EXOC6B: variants seen among roughly 807,000 people sequenced by gnomAD.
The protein encoded by EXOC6B is exocyst complex component 6B, also known as SEC15 homolog B.
EXOC6B carries 54 observed loss-of-function variants against 113.5 expected under a neutral mutation model. The ratio of observed to expected loss-of-function variants is 0.48; its 90% CI spans 0.38 to 0.60. The LOEUF (loss-of-function observed/expected upper bound fraction) is 0.60, where lower values mean the gene tolerates loss of function less well. Among genes scored for constraint, EXOC6B ranks in the 20% least tolerant of loss-of-function variants. The pLI is 0.00. For missense variants in EXOC6B, 797 were observed against 977.5 expected, an observed-to-expected ratio of 0.82 and a Z score of 2.46; for synonymous variants, 357 against 339.0, an observed-to-expected ratio of 1.05 and a Z score of -0.58.
intron 6 of EXOC6B, among the ~76,000 whole-genome samples, chr2:72,619,859 G>C (rs984462345): frequency 6.6e-6 from 1 of 152,202 alleles, no homozygotes; most frequent in Non-Finnish European, 1.5e-5. Flanking sequence ...GCAGAGACAG[G>C]CTTTCAGATG....
At chr2:72,470,111 T>C (rs1480696845) in intron 17 of EXOC6B, among the ~76,000 whole-genome samples, 2 of 152,120 alleles carry the variant, frequency 1.3e-5, no homozygotes, top group Non-Finnish European at 1.5e-5. Flanking sequence ...TCTATTTCTG[T>C]AAAAGATGAC....
At chr2:72,770,453 A>C (rs1683352731) in intron 1 of EXOC6B, among the ~76,000 whole-genome samples, 1 of 152,238 alleles carries the variant, frequency 6.6e-6, no homozygotes, top group South Asian at 2.1e-4. Context: ...ATATTATGTA[A>C]CATCCCAGTA....
intron 20 of EXOC6B, among the ~76,000 whole-genome samples, chr2:72,315,596 A>G (rs529752733): frequency 1.3e-5 from 2 of 152,172 alleles, no homozygotes; most frequent in East Asian, 3.8e-4. Flanking sequence ...TGAGAAGAGA[A>G]ATGATAGTTA....
chr2:72,688,683 AG>A (rs1235996915), intron 6 of EXOC6B, among the ~76,000 whole-genome samples: 1 of 152,238 alleles, frequency 6.6e-6, no homozygotes, highest in Non-Finnish European at 1.5e-5. Context: ...TAAGAACTAA[AG>A]GGATATGAAC....
At chr2:72,806,747 C>A (rs1270196471) in intron 1 of EXOC6B, among the ~76,000 whole-genome samples, 2 of 151,456 alleles carry the variant, frequency 1.3e-5, no homozygotes, top group Non-Finnish European at 2.9e-5. Flanking sequence ...AGATGGTTGT[C>A]ATTGTGGTTT....
chr2:72,595,530 GC>G (rs1416418680), intron 6 of EXOC6B, among the ~76,000 whole-genome samples: 1 of 151,610 alleles, frequency 6.6e-6, no homozygotes, highest in African/African-American at 2.4e-5. Context: ...GACACAACAT[GC>G]TTTTATAAAG....
intron 8 of EXOC6B, among the ~76,000 whole-genome samples, chr2:72,526,870 C>T (rs1701768221): frequency 6.6e-6 from 1 of 151,922 alleles, no homozygotes; most frequent in African/African-American, 2.4e-5. Context: ...TATAGATTCA[C>T]ATATAGTTAT....
At chr2:72,187,281 G>A (rs1191144676) in intron 20 of EXOC6B, among the ~76,000 whole-genome samples, 1 of 151,978 alleles carries the variant, frequency 6.6e-6, no homozygotes, top group African/African-American at 2.4e-5. Flanking sequence ...TCTACAAAGG[G>A]CTGCAGCTCT....
chr2:72,463,565 C>T (rs1030637060), intron 18 of EXOC6B: 3 of 152,132 alleles, frequency 2.0e-5, no homozygotes, highest in African/African-American at 7.2e-5. Flanking sequence ...AACTTGGAAT[C>T]TTTGCTGCTT....
intron 20 of EXOC6B, among the ~76,000 whole-genome samples, chr2:72,267,349 A>G (rs1684186687): frequency 6.6e-6 from 1 of 151,758 alleles, no homozygotes; most frequent in Non-Finnish European, 1.5e-5. Flanking sequence ...TTCAAAGGGA[A>G]TGCTTCCAGT....
intron 1 of EXOC6B, among the ~76,000 whole-genome samples, chr2:72,791,286 G>A (rs1434193099): frequency 6.6e-6 from 1 of 152,144 alleles, no homozygotes; most frequent in Non-Finnish European, 1.5e-5. Flanking sequence ...GCTCGTGCCT[G>A]TAATCCCAGC....
intron 6 of EXOC6B, among the ~76,000 whole-genome samples, chr2:72,702,070 C>A (rs551221569): frequency 4.6e-5 from 7 of 150,898 alleles, no homozygotes; most frequent in Admixed American, 1.3e-4. Flanking sequence ...AACCCTCCCC[C>A]CTCCCACCAC....
intron 18 of EXOC6B, among the ~76,000 whole-genome samples, chr2:72,387,088 A>C (rs1253868480): frequency 2.6e-5 from 4 of 152,194 alleles, no homozygotes; most frequent in Non-Finnish European, 5.9e-5. Context: ...ATTTTTCTTG[A>C]AAGGGTGTTC....
chr2:72,445,213 T>C (rs1696492753), intron 18 of EXOC6B, among the ~76,000 whole-genome samples: 1 of 152,164 alleles, frequency 6.6e-6, no homozygotes, highest in African/African-American at 2.4e-5. Context: ...AGAGTGACCA[T>C]TGCTCCAGTT....
chr2:72,224,994 G>GTGTGTGTATATATATATATATATA (rs908047817), intron 20 of EXOC6B, among the ~76,000 whole-genome samples: 15 of 137,318 alleles, frequency 1.1e-4, no homozygotes, highest in African/African-American at 2.1e-4. Context: ...GTGTGTGTGT[G>GTGTGTGTATATATATATATATATA]TATATATATA....
At chr2:72,487,261 T>C (rs1011969211) in intron 16 of EXOC6B, among the ~76,000 whole-genome samples, 2 of 152,250 alleles carry the variant, frequency 1.3e-5, no homozygotes, top group African/African-American at 4.8e-5. Context: ...GATACCACAT[T>C]ACATTTAGTT....
At position 72,404,043 on chromosome 2, in the gene EXOC6B, C is replaced by T. The variant is rs561377836; in HGVS notation, c.1981-24173G>A. On this transcript the variant is annotated intron_variant, in intron 18 of 21. Coordinates refer to ENST00000272427, the MANE Select transcript of EXOC6B (RefSeq NM_015189.3). Reference sequence around the variant, plus strand: ...GCGATTTTCCAAGGGTCTTAGCAAACGGCACACCAGGAGATTATATCCTGC... The same window carrying T: ...GCGATTTTCCAAGGGTCTTAGCAAATGGCACACCAGGAGATTATATCCTGC... 2.2e-4 allele frequency among the ~76,000 whole-genome samples: 34 copies of T among 152,310 alleles called. 1 individual carries two copies. The highest frequency in any genetic ancestry group is 2.1e-3 in the East Asian group (11 of 5,170).
chr2:72,635,304 G>T (rs765201810), intron 6 of EXOC6B, among the ~76,000 whole-genome samples: 1 of 151,896 alleles, frequency 6.6e-6, no homozygotes, highest in Non-Finnish European at 1.5e-5. Context: ...TAGTAAAATT[G>T]ACAAACTTCA....
At chr2:72,180,678 G>T (rs1453803808) in intron 21 of EXOC6B, among the ~76,000 whole-genome samples, 1 of 152,158 alleles carries the variant, frequency 6.6e-6, no homozygotes, top group South Asian at 2.1e-4. Context: ...TTTCCCAGGG[G>T]ACTTTGGGCC....
Sources: allele counts gnomAD v4.1 joint callset (sites outside exome capture counted in the v4.1 genomes callset), GRCh38; gene constraint gnomAD v4.1.1; transcripts MANE v1.5; gene names NCBI Gene and HGNC (gene_info 2026-07-23, HGNC 2026-07-21).